Variants in ALK observed in about 807,000 individuals in gnomAD.
ALK encodes ALK tyrosine kinase receptor.
In ALK, 74 loss-of-function variants were observed where a neutral mutation model predicts 163.1. The ratio of observed to expected loss-of-function variants is 0.45; its 90% CI spans 0.38 to 0.55. The LOEUF (loss-of-function observed/expected upper bound fraction) is 0.55. ALK is among the 20% of genes least tolerant of loss of function. The pLI is 0.00. For missense variants in ALK, 2,063 were observed against 2,105.3 expected (o/e 0.98, Z 0.39); for synonymous variants, 960 against 843.2 (o/e 1.14, Z -2.40).
chr2:29,804,166 G>C (rs1338209822), intron 1 of ALK, among the ~76,000 whole-genome samples: 1 of 152,202 alleles, frequency 6.6e-6, no homozygotes, highest in Admixed American at 6.5e-5. Context: ...AACATTTTCA[G>C]AACAGTAATC....
chr2:29,361,325 T>C (rs1299160394), intron 5 of ALK, among the ~76,000 whole-genome samples: 2 of 152,222 alleles, frequency 1.3e-5, no homozygotes, highest in Non-Finnish European at 2.9e-5. Context: ...TCTCTGCTAA[T>C]GCATTAGCAG....
chr2:29,314,976 T>G lies in ALK; in HGVS notation c.1647+3328A>C, dbSNP rs563094649. Among the ~76,000 whole-genome samples, 16 of 152,262 alleles carry G rather than the reference T, an allele frequency of 1.1e-4. No homozygotes were observed. The East Asian group carries it at 2.1e-3, about 20-fold the overall frequency. On this transcript the variant is annotated intron_variant, in intron 8 of 28. Coordinates refer to ENST00000389048, the MANE Select transcript of ALK (RefSeq NM_004304.5). ...CAGCAAGTGAGCACATGAAAGCCACTGCAAGCCTTCCCTCCCCGGTGGCAA... is the reference window on the plus strand; with the variant it reads ...CAGCAAGTGAGCACATGAAAGCCACGGCAAGCCTTCCCTCCCCGGTGGCAA...
At chr2:29,370,979 G>A (rs560602675) in intron 5 of ALK, among the ~76,000 whole-genome samples, 37 of 152,348 alleles carry the variant, frequency 2.4e-4, no homozygotes, top group Non-Finnish European at 4.6e-4. Flanking sequence ...TTGTAGATAC[G>A]AAATGCTGGC....
At chr2:29,716,152 A>T (rs140676731) in intron 2 of ALK, among the ~76,000 whole-genome samples, 115 of 152,336 alleles carry the variant, frequency 7.5e-4, no homozygotes, top group Non-Finnish European at 1.4e-3. Flanking sequence ...ATAGGTAAAT[A>T]TGCCCAGAAG....
intron 4 of ALK, among the ~76,000 whole-genome samples, chr2:29,515,699 C>G (rs1204344740): frequency 6.7e-5 from 1 of 14,996 alleles, no homozygotes; most frequent in Non-Finnish European, 2.3e-3. Context: ...TATAGCAAAA[C>G]TGGTGGGACT....
At chr2:29,570,187 A>G (rs1674319009) in intron 3 of ALK, among the ~76,000 whole-genome samples, 1 of 152,230 alleles carries the variant, frequency 6.6e-6, no homozygotes, top group South Asian at 2.1e-4. Flanking sequence ...TAAACTCCTT[A>G]TATCAAGGAA....
chr2:29,535,449 T>G (rs961913005), intron 3 of ALK, among the ~76,000 whole-genome samples: 1 of 152,266 alleles, frequency 6.6e-6, no homozygotes, highest in Non-Finnish European at 1.5e-5. Flanking sequence ...ATCTGTTCAG[T>G]TATTGACCTT....
At chr2:29,885,304 C>A (rs925650594) in intron 1 of ALK, among the ~76,000 whole-genome samples, 1 of 152,080 alleles carries the variant, frequency 6.6e-6, no homozygotes, top group African/African-American at 2.4e-5. Context: ...GTCACAAGGA[C>A]CTTTAAGGCT....
intron 2 of ALK, among the ~76,000 whole-genome samples, chr2:29,696,001 A>G (rs2148290897): frequency 6.6e-6 from 1 of 152,304 alleles, no homozygotes; most frequent in South Asian, 2.1e-4. Context: ...TGACCCAGCA[A>G]TCCCCAGCAA....
intron 3 of ALK, among the ~76,000 whole-genome samples, chr2:29,547,568 G>A (rs1270619100): frequency 6.6e-6 from 1 of 152,208 alleles, no homozygotes; most frequent in Non-Finnish European, 1.5e-5. Flanking sequence ...CTGCACTCTA[G>A]CCTGGGCAAC....
At chr2:29,694,685 C>T (rs1051724540) in intron 3 of ALK, among the ~76,000 whole-genome samples, 165 bp downstream of exon 3, 1 of 152,166 alleles carries the variant, frequency 6.6e-6, no homozygotes, top group African/African-American at 2.4e-5. Context: ...TGTCTTCCTC[C>T]CCTCCTTGCA....
intron 1 of ALK, among the ~76,000 whole-genome samples, chr2:29,884,307 T>C (rs539060166): frequency 1.1e-4 from 16 of 152,180 alleles, no homozygotes; most frequent in African/African-American, 1.7e-4. Context: ...ATGGGACCCA[T>C]ACAAAGTGAC....
intron 6 of ALK, among the ~76,000 whole-genome samples, 174 bp downstream of exon 6, chr2:29,328,176 C>T (rs1250703060): frequency 6.6e-6 from 1 of 152,174 alleles, no homozygotes; most frequent in East Asian, 1.9e-4. Context: ...TATTTCTAGA[C>T]CACAAATCTT....
At chr2:29,623,862 A>G (rs1339944668) in intron 3 of ALK, among the ~76,000 whole-genome samples, 2 of 152,252 alleles carry the variant, frequency 1.3e-5, no homozygotes, top group East Asian at 3.8e-4. Context: ...ATTTTATAAT[A>G]TAGAAGTCTT....
chr2:29,652,021 A>G (rs935646048), intron 3 of ALK, among the ~76,000 whole-genome samples: 1 of 152,150 alleles, frequency 6.6e-6, no homozygotes, highest in Admixed American at 6.6e-5. Flanking sequence ...GGAATTTTTA[A>G]AAAAATGATA....
At chr2:29,852,422 C>T (rs1440398418) in intron 1 of ALK, among the ~76,000 whole-genome samples, 1 of 152,164 alleles carries the variant, frequency 6.6e-6, no homozygotes, top group African/African-American at 2.4e-5. Flanking sequence ...ATGGGCCACA[C>T]CAGCCAGACC....
chr2:29,596,987 C>T (rs1319222141), intron 3 of ALK, among the ~76,000 whole-genome samples: 1 of 152,224 alleles, frequency 6.6e-6, no homozygotes, highest in Non-Finnish European at 1.5e-5. Context: ...AGGGGATATT[C>T]TAGTCTCGGC....
chr2:29,837,969 A>G (rs1223597785), intron 1 of ALK, among the ~76,000 whole-genome samples: 2 of 152,210 alleles, frequency 1.3e-5, no homozygotes, highest in Non-Finnish European at 2.9e-5. Context: ...GAAAATATGA[A>G]TTTAATAAAG....
chr2:29,639,015 G>A (rs11127231), intron 3 of ALK, among the ~76,000 whole-genome samples: 95,676 of 152,036 alleles, frequency 0.63, 30,994 homozygotes, highest in Middle Eastern at 0.73. Flanking sequence ...GGCTTCTACA[G>A]CAATACTGGG....
Sources: allele counts gnomAD v4.1 joint callset (sites outside exome capture counted in the v4.1 genomes callset), GRCh38; gene constraint gnomAD v4.1.1; transcripts MANE v1.5; gene names NCBI Gene and HGNC (gene_info 2026-07-23, HGNC 2026-07-21).